EML5: variants seen among roughly 807,000 people sequenced by gnomAD.
The protein encoded by EML5 is echinoderm microtubule-associated protein-like 5.
Under a neutral mutation model 250.0 loss-of-function variants are expected in EML5, and 120 were observed. The observed-to-expected ratio is 0.48, with a 90% CI of 0.41 to 0.56. The LOEUF (loss-of-function observed/expected upper bound fraction) is 0.56. EML5 is among the 20% of genes least tolerant of loss of function. EML5 has a pLI of 0.00. For synonymous variants in EML5, 771 were observed against 806.5 expected (o/e 0.96, Z 0.75); for missense variants, 2,006 against 2,437.6 (o/e 0.82, Z 3.73).
chr14:88,780,971 T>G (rs2094492405), intron 1 of EML5, among the ~76,000 whole-genome samples: 1 of 152,172 alleles, frequency 6.6e-6, no homozygotes, highest in Non-Finnish European at 1.5e-5. Context: ...ACTTAATGTT[T>G]GATTAAATCA....
At chr14:88,628,972 CAAT>C (rs1281045914) in intron 33 of EML5, among the ~76,000 whole-genome samples, 5 of 151,814 alleles carry the variant, frequency 3.3e-5, no homozygotes, top group Admixed American at 1.3e-4. Context: ...AAATTTATGA[CAAT>C]AATGTCAGTA....
chr14:88,752,388 T>C (rs1039534574), intron 2 of EML5, among the ~76,000 whole-genome samples: 9 of 152,318 alleles, frequency 5.9e-5, no homozygotes, highest in South Asian at 2.1e-4. Flanking sequence ...TTTTATGCTA[T>C]GAAATAGGTA....
At chr14:88,702,261 TA>T (rs2093228321) in intron 14 of EML5, among the ~76,000 whole-genome samples, 184 bp downstream of exon 14, 1 of 152,066 alleles carries the variant, frequency 6.6e-6, no homozygotes. Context: ...ATTAAAATAA[TA>T]AAAACTCTAA....
intron 19 of EML5, among the ~76,000 whole-genome samples, chr14:88,685,655 G>T (rs907160332): frequency 1.3e-5 from 2 of 151,144 alleles, no homozygotes; most frequent in African/African-American, 2.4e-5. Context: ...GTGCCATTTT[G>T]CCCAGACTGA....
intron 17 of EML5, among the ~76,000 whole-genome samples, chr14:88,689,280 A>G (rs2092905861): frequency 6.6e-6 from 1 of 152,116 alleles, no homozygotes; most frequent in Non-Finnish European, 1.5e-5. Context: ...TATCATATAG[A>G]TCAGAGAGGT....
chr14:88,666,112 A>G (rs532704094), intron 21 of EML5, among the ~76,000 whole-genome samples: 2 of 152,368 alleles, frequency 1.3e-5, no homozygotes, highest in South Asian at 4.1e-4. Flanking sequence ...AAAAAGAATG[A>G]GAGATTTTAA....
At chr14:88,675,733 T>C (rs1345003644) in intron 21 of EML5, among the ~76,000 whole-genome samples, 1 of 152,206 alleles carries the variant, frequency 6.6e-6, no homozygotes, top group East Asian at 1.9e-4. Context: ...AGGCTGCAAA[T>C]TTCCTGAACT....
chr14:88,616,842 G>T lies in EML5; in HGVS notation c.5680C>A (p.His1894Asn), dbSNP rs1203413499. The T allele has an allele frequency of 6.2e-7, 1 of 1,613,914 alleles. No homozygotes were observed. Among genetic ancestry groups the T allele is most frequent in the South Asian group, 1.1e-5 (1 of 91,072 alleles). Residue 1894 changes from histidine (H) to asparagine (N), a missense_variant, in exon 42 of 44, where the codon CAT (histidine) becomes AAT (asparagine). Physicochemically the swap from His to Asn is moderately conservative, Grantham distance 68. Transcript: ENST00000554922. Reference protein sequence around the residue: ...GDEVLGIWSRHAEKADVNCAC... With the variant: ...GDEVLGIWSRNAEKADVNCAC... ...CAGTTGACATCAGCTTTCTCAGCATGTCTGGACCAGATTCCCAAAACCTCA... is the reference window on the plus strand; with the variant it reads ...CAGTTGACATCAGCTTTCTCAGCATTTCTGGACCAGATTCCCAAAACCTCA...
intron 8 of EML5, among the ~76,000 whole-genome samples, chr14:88,721,967 A>G (rs761079149): frequency 6.6e-6 from 1 of 152,230 alleles, no homozygotes; most frequent in East Asian, 1.9e-4. Flanking sequence ...ATGAGCGGAC[A>G]CTTTTTGAAA....
chr14:88,703,925 C>A (rs1456897458), intron 13 of EML5, among the ~76,000 whole-genome samples: 1 of 152,090 alleles, frequency 6.6e-6, no homozygotes, highest in Non-Finnish European at 1.5e-5. Flanking sequence ...TTTCATAAGA[C>A]AAATTTATTT....
rs368308406 is a variant in EML5 at position 88,665,405 on chromosome 14, T to C, written c.3209A>G (p.Asp1070Gly). The C allele has an allele frequency of 2.7e-5, 44 of 1,613,966 alleles. No individual in the cohort carries two copies. The highest frequency in any genetic ancestry group is 3.5e-5 in the Non-Finnish European group (41 of 1,179,884). The change falls in exon 22 of 44, where the codon GAT becomes GGT. Residue 1070 changes from aspartate (D) to glycine (G), a missense_variant. Around this residue, in one of 7 missense-constraint regions of EML5, gnomAD observed 1,375 missense variants for 1,590.3 expected, o/e 0.86. Coordinates refer to ENST00000554922, the MANE Select transcript of EML5 (RefSeq NM_183387.3). The stretch of plus-strand genomic sequence containing the variant: ...AAAAGACACAAGATCCTCTAGAGTA[T>C]CCGCATTTGCCATTAAGAAGCTTCC... ...NDGSFLMANA[D>G]TLEDLVSFHH...
intron 8 of EML5, among the ~76,000 whole-genome samples, chr14:88,725,728 A>T (rs541999942): frequency 6.6e-6 from 1 of 152,190 alleles, no homozygotes; most frequent in Non-Finnish European, 1.5e-5. Flanking sequence ...ACCAAACAGG[A>T]GGTAAGAAGA....
chr14:88,762,499 A>C (rs1371277902), intron 1 of EML5, among the ~76,000 whole-genome samples: 1 of 152,028 alleles, frequency 6.6e-6, no homozygotes, highest in Non-Finnish European at 1.5e-5. Flanking sequence ...AACAAGAGTG[A>C]AACTCCATCT....
At chr14:88,716,276 G>T (rs2093491904) in intron 8 of EML5, among the ~76,000 whole-genome samples, 1 of 152,110 alleles carries the variant, frequency 6.6e-6, no homozygotes, top group Non-Finnish European at 1.5e-5. Context: ...ATAAATCCAA[G>T]ATTGTATTAT....
intron 8 of EML5, among the ~76,000 whole-genome samples, chr14:88,717,682 G>T (rs1345578141): frequency 6.6e-6 from 1 of 152,158 alleles, no homozygotes; most frequent in African/African-American, 2.4e-5. Context: ...TTGAACTCGG[G>T]AGGCAGAGGT....
intron 6 of EML5, among the ~76,000 whole-genome samples, chr14:88,736,850 C>T (rs2093848390): frequency 6.6e-6 from 1 of 152,008 alleles, no homozygotes; most frequent in Non-Finnish European, 1.5e-5. Flanking sequence ...TTGTGCCCAT[C>T]TTTGAGGGGT....
chr14:88,712,379 C>A lies in EML5; in HGVS notation c.1549G>T (p.Asp517Tyr). The change falls in exon 10 of 44, where the codon GAT (aspartate) becomes TAT (tyrosine). Residue 517 changes from aspartate to tyrosine, a missense_variant. Asp to Tyr is a radical substitution (Grantham distance 160, BLOSUM62 -3). Around this residue, in one of 7 missense-constraint regions of EML5, gnomAD observed 1,375 missense variants for 1,590.3 expected, o/e 0.86. Transcript: ENST00000554922. ...TCTACTGAATTTATATCGTTGATAT[C>A]TGAATACTTGGGCCAAATTCCATTT... ...EVNGIWPKYS[D>Y]INDINSVDGN... 6.2e-7 allele frequency: 1 copy of A among 1,613,516 alleles called. No homozygotes were observed. Among genetic ancestry groups the A allele is most frequent in the South Asian group, 1.1e-5 (1 of 91,058 alleles).
intron 1 of EML5, among the ~76,000 whole-genome samples, chr14:88,783,844 T>A (rs770297340): frequency 1.3e-5 from 2 of 152,210 alleles, no homozygotes; most frequent in Non-Finnish European, 2.9e-5. Flanking sequence ...TTTCATCCAA[T>A]GGCTACAGAA....
intron 20 of EML5, 140 bp downstream of exon 20, chr14:88,684,875 T>C (rs1267840408): frequency 1.5e-5 from 11 of 741,440 alleles, no homozygotes; most frequent in South Asian, 3.2e-5. Context: ...TCTGTATACA[T>C]TAAATTTTTT....
Sources: allele counts gnomAD v4.1 joint callset (sites outside exome capture counted in the v4.1 genomes callset), GRCh38; gene constraint gnomAD v4.1.1; regional missense constraint gnomAD v4.1.1; transcripts MANE v1.5; gene names NCBI Gene and HGNC (gene_info 2026-07-23, HGNC 2026-07-21).